The following USP12 variants were observed in gnomAD, a reference collection of about 807,000 sequenced individuals.
USP12 encodes ubiquitin carboxyl-terminal hydrolase 12.
USP12 carries 19 observed loss-of-function variants against 45.5 expected under a neutral mutation model. The ratio of observed to expected loss-of-function variants is 0.42; its 90% CI spans 0.29 to 0.61. The LOEUF (loss-of-function observed/expected upper bound fraction) is 0.61, where lower values mean the gene tolerates loss of function less well. USP12 is among the 20% of genes least tolerant of loss of function. The pLI, the probability that USP12 is intolerant of heterozygous loss-of-function variation, is 0.22. For missense variants in USP12, 242 were observed against 447.7 expected (o/e 0.54, Z 4.15); for synonymous variants, 149 against 148.8 (o/e 1.00, Z -0.01).
At chr13:27,169,040 G>C (rs958813651) in intron 1 of USP12, 7 of 152,216 alleles carry the variant, frequency 4.6e-5, no homozygotes, top group African/African-American at 1.7e-4. Flanking sequence ...CATACCAGGA[G>C]GAGGCAGGAA....
intron 3 of USP12, among the ~76,000 whole-genome samples, chr13:27,099,370 A>T (rs956798405): frequency 6.6e-6 from 1 of 152,122 alleles, no homozygotes; most frequent in African/African-American, 2.4e-5. Context: ...TTTTTTTAAG[A>T]GATGGGGGTC....
At chr13:27,163,338 T>C (rs550416963) in intron 1 of USP12, among the ~76,000 whole-genome samples, 114 of 152,242 alleles carry the variant, frequency 7.5e-4, no homozygotes, top group Admixed American at 7.2e-4. Context: ...CCAAACCACC[T>C]ACAGAGCCTA....
intron 6 of USP12, among the ~76,000 whole-genome samples, chr13:27,086,192 A>T (rs1555233221): frequency 2.5e-5 from 2 of 81,164 alleles, no homozygotes; most frequent in Admixed American, 1.3e-4. Flanking sequence ...AAAAAAAAAA[A>T]AAAAAATATA....
chr13:27,159,744 T>C (rs1372749608), intron 1 of USP12, among the ~76,000 whole-genome samples: 1 of 152,340 alleles, frequency 6.6e-6, no homozygotes, highest in South Asian at 2.1e-4. Flanking sequence ...CAGACTCCTA[T>C]ATAAGTTCCT....
At chr13:27,088,346 G>T (rs1874159726) in intron 6 of USP12, among the ~76,000 whole-genome samples, 1 of 151,164 alleles carries the variant, frequency 6.6e-6, no homozygotes, top group African/African-American at 2.4e-5. Flanking sequence ...AATCCGGGAA[G>T]GCGGAGCTTG....
intron 1 of USP12, among the ~76,000 whole-genome samples, chr13:27,134,269 A>G (rs991644674): frequency 2.6e-5 from 4 of 152,248 alleles, no homozygotes; most frequent in Admixed American, 6.5e-5. Flanking sequence ...GGAGAAAGGT[A>G]GCATAAAAGA....
intron 8 of USP12, 85 bp from the exon 9 acceptor site, chr13:27,069,469 G>T: frequency 1.0e-6 from 1 of 985,428 alleles, no homozygotes; most frequent in Non-Finnish European, 1.6e-6. Flanking sequence ...ACAATACCAA[G>T]TATTTGGTGA....
At chr13:27,159,176 C>T (rs1331070602) in intron 1 of USP12, among the ~76,000 whole-genome samples, 1 of 152,144 alleles carries the variant, frequency 6.6e-6, no homozygotes, top group East Asian at 1.9e-4. Flanking sequence ...ACTACCATTT[C>T]TAAGGTAATC....
intron 1 of USP12, among the ~76,000 whole-genome samples, chr13:27,135,056 G>T (rs759648218): frequency 1.3e-5 from 2 of 152,110 alleles, no homozygotes; most frequent in Non-Finnish European, 2.9e-5. Flanking sequence ...AGGACGAGGT[G>T]GGCAAATCCC....
intron 6 of USP12, among the ~76,000 whole-genome samples, chr13:27,079,942 G>A (rs1873671101): frequency 6.6e-6 from 1 of 152,160 alleles, no homozygotes; most frequent in Non-Finnish European, 1.5e-5. Context: ...AGGGGGTCAG[G>A]GCAAATAGAA....
chr13:27,110,783 C>A (rs116969880), intron 2 of USP12, among the ~76,000 whole-genome samples: 6,317 of 152,116 alleles, frequency 0.042, 160 homozygotes, highest in Admixed American at 0.074. Context: ...TGTATTTGTA[C>A]TACAATCTAA....
chr13:27,066,481 C>A lies in USP12; in HGVS notation c.*2802G>T, dbSNP rs531578412. The A allele has an allele frequency of 9.9e-5, 15 of 152,184 alleles. No individual in the cohort carries two copies. The highest frequency in any genetic ancestry group is 3.6e-4 in the African/African-American group (15 of 41,526). 9.4% of individuals were successfully genotyped at this position (152,184 alleles called of 1,614,324 possible). A position where few individuals can be genotyped will look rare whatever the true frequency, so the allele number is the denominator to read the frequency against. ...AGTAGTTATGTTATGAAAATGAGGT[C>A]TTTCTACTGCCATCAAGGAAAGAAA... On this transcript the variant is annotated 3_prime_UTR_variant, in exon 9 of 9. Coordinates refer to ENST00000282344, the MANE Select transcript of USP12 (RefSeq NM_182488.4).
chr13:27,163,784 AAG>A (rs1477966817), intron 1 of USP12, among the ~76,000 whole-genome samples: 1 of 138,648 alleles, frequency 7.2e-6, no homozygotes, highest in Non-Finnish European at 1.6e-5. Flanking sequence ...AAAAAAAAAA[AAG>A]AAAAAAAAAA....
chr13:27,128,524 A>AG (rs542056197), intron 1 of USP12, among the ~76,000 whole-genome samples: 142 of 152,286 alleles, frequency 9.3e-4, no homozygotes, highest in African/African-American at 3.3e-3. Context: ...CTGGCACCTT[A>AG]CCTAAGGCAA....
chr13:27,118,854 C>T (rs1286932511), intron 1 of USP12, among the ~76,000 whole-genome samples: 2 of 152,174 alleles, frequency 1.3e-5, no homozygotes, highest in African/African-American at 2.4e-5. Flanking sequence ...ACATGCCACT[C>T]GCCTTGTATT....
chr13:27,080,807 A>G (rs1873717489), intron 6 of USP12, among the ~76,000 whole-genome samples: 1 of 152,198 alleles, frequency 6.6e-6, no homozygotes, highest in Admixed American at 6.5e-5. Context: ...TTATGCTTAT[A>G]CTATACTGTA....
At chr13:27,169,664 T>C (rs1299086983) in intron 1 of USP12, among the ~76,000 whole-genome samples, 1 of 152,318 alleles carries the variant, frequency 6.6e-6, no homozygotes, top group Middle Eastern at 3.4e-3. Flanking sequence ...TTGACATCCT[T>C]GGGATCAGAA....
intron 2 of USP12, among the ~76,000 whole-genome samples, chr13:27,109,927 G>T (rs1486523386): frequency 1.7e-5 from 1 of 59,338 alleles, no homozygotes. Context: ...AAAAAAAAAA[G>T]TCATCTTTGA....
At chr13:27,166,581 A>G (rs1878355254) in intron 1 of USP12, among the ~76,000 whole-genome samples, 3 of 152,214 alleles carry the variant, frequency 2.0e-5, no homozygotes, top group South Asian at 4.1e-4. Context: ...CTTATTAGCA[A>G]AAGGTGGAAA....
Sources: allele counts gnomAD v4.1 joint callset (sites outside exome capture counted in the v4.1 genomes callset), GRCh38; gene constraint gnomAD v4.1.1; transcripts MANE v1.5; gene names NCBI Gene and HGNC (gene_info 2026-07-23, HGNC 2026-07-21).